Variants in ZNF385D observed in about 807,000 individuals in gnomAD.
The protein encoded by ZNF385D is zinc finger protein 659.
A neutral mutation model predicts 35.8 loss-of-function variants in ZNF385D; 15 were observed. The ratio of observed to expected loss-of-function variants is 0.42; its 90% CI spans 0.28 to 0.64. The LOEUF (loss-of-function observed/expected upper bound fraction) is 0.64. ZNF385D is among the 30% of genes least tolerant of loss of function. The pLI is 0.23. For missense variants in ZNF385D, 474 were observed against 494.6 expected (o/e 0.96, Z 0.39); for synonymous variants, 212 against 186.8 (o/e 1.13, Z -1.10).
chr3:21,845,586 A>G (rs1318207352), intron 3 of ZNF385D, among the ~76,000 whole-genome samples: 1 of 151,986 alleles, frequency 6.6e-6, no homozygotes, highest in East Asian at 1.9e-4. Flanking sequence ...ACCTCTCAAC[A>G]TTGCAATCCC....
rs576506837 is a variant in ZNF385D, at chr3:22,312,891, C to T, written c.106+59559G>A. Among the ~76,000 whole-genome samples, 32 of 129,398 alleles carry T rather than the reference C, an allele frequency of 2.5e-4. 2 individuals are homozygous for T. In the South Asian group the frequency reaches 9.0e-3, roughly 36 times the overall value. 84.9% of individuals were successfully genotyped at this position (129,398 alleles called of 152,430 possible). A position where few individuals can be genotyped will look rare whatever the true frequency, so the allele number is the denominator to read the frequency against. The stretch of plus-strand genomic sequence containing the variant: ...TAGAAATACCATTTGACCCAGCCAT[C>T]CCATTACTGGGTATATACCCAAAGG... On this transcript the variant is annotated intron_variant, in intron 2 of 5. Transcript: ENST00000494108.
chr3:22,089,183 ACTGT>A (rs978855167), intron 3 of ZNF385D, among the ~76,000 whole-genome samples: 39 of 152,294 alleles, frequency 2.6e-4, no homozygotes, highest in African/African-American at 8.2e-4. Flanking sequence ...CTTTTAAAAA[ACTGT>A]CTGTAAACTG....
chr3:22,145,398 C>T (rs1704787365), intron 3 of ZNF385D, among the ~76,000 whole-genome samples: 1 of 152,212 alleles, frequency 6.6e-6, no homozygotes, highest in Non-Finnish European at 1.5e-5. Context: ...ATGCAAGTTT[C>T]TTCTCTTTGA....
intron 3 of ZNF385D, among the ~76,000 whole-genome samples, chr3:22,167,549 G>T (rs1453322175): frequency 6.6e-6 from 1 of 152,172 alleles, no homozygotes; most frequent in Non-Finnish European, 1.5e-5. Flanking sequence ...CCAATCATGG[G>T]TACAGAGAAG....
intron 3 of ZNF385D, among the ~76,000 whole-genome samples, chr3:22,123,242 G>A (rs1339744894): frequency 1.3e-5 from 2 of 152,094 alleles, no homozygotes; most frequent in African/African-American, 4.8e-5. Flanking sequence ...TACCAAGAAG[G>A]TAGGAGGAGT....
intron 3 of ZNF385D, among the ~76,000 whole-genome samples, chr3:21,973,975 T>A (rs180912314): frequency 1.6e-4 from 24 of 152,168 alleles, no homozygotes; most frequent in Admixed American, 1.4e-3. Context: ...GAATATATAT[T>A]TTTAAAAATG....
intron 3 of ZNF385D, among the ~76,000 whole-genome samples, chr3:21,559,304 G>A (rs983610188): frequency 7.9e-5 from 12 of 152,226 alleles, no homozygotes; most frequent in South Asian, 4.2e-4. Flanking sequence ...GGCTGGTACC[G>A]GTTTTACCTT....
chr3:21,549,369 C>T, intron 3 of ZNF385D, among the ~76,000 whole-genome samples: 1 of 152,148 alleles, frequency 6.6e-6, no homozygotes, highest in East Asian at 1.9e-4. Flanking sequence ...CTCTTGAAAT[C>T]CCTAGCAGCT....
intron 3 of ZNF385D, among the ~76,000 whole-genome samples, chr3:21,797,591 C>T (rs1024343683): frequency 2.0e-5 from 3 of 152,152 alleles, no homozygotes; most frequent in African/African-American, 7.2e-5. Flanking sequence ...TTTGAAGCAA[C>T]CAAGCTGTTT....
chr3:22,282,229 A>G (rs1701785833), intron 2 of ZNF385D, among the ~76,000 whole-genome samples: 1 of 151,540 alleles, frequency 6.6e-6, no homozygotes, highest in Non-Finnish European at 1.5e-5. Flanking sequence ...TACTGTTTTA[A>G]TTTCATTTAG....
chr3:22,014,608 A>G (rs1696771469), intron 3 of ZNF385D, among the ~76,000 whole-genome samples: 1 of 152,040 alleles, frequency 6.6e-6, no homozygotes. Context: ...TCAGAAATAT[A>G]TACTCAGAAA....
intron 3 of ZNF385D, among the ~76,000 whole-genome samples, chr3:22,075,979 G>C (rs1227622981): frequency 6.6e-6 from 1 of 151,852 alleles, no homozygotes; most frequent in African/African-American, 2.4e-5. Flanking sequence ...ATGCCCAAAA[G>C]ACAGCAAGTC....
At chr3:22,186,623 G>T (rs551347343) in intron 2 of ZNF385D, among the ~76,000 whole-genome samples, 1 of 149,166 alleles carries the variant, frequency 6.7e-6, no homozygotes, top group African/African-American at 2.4e-5. Flanking sequence ...GTATACAAGG[G>T]GCAAATGAGC....
At chr3:22,040,160 A>G (rs929878754) in intron 3 of ZNF385D, among the ~76,000 whole-genome samples, 5 of 152,030 alleles carry the variant, frequency 3.3e-5, no homozygotes, top group African/African-American at 1.2e-4. Context: ...CAACTTCACC[A>G]TTACCCTCAT....
intron 3 of ZNF385D, among the ~76,000 whole-genome samples, chr3:21,832,199 TCTTCA>T (rs556158985): frequency 2.6e-4 from 39 of 152,298 alleles, no homozygotes; most frequent in Non-Finnish European, 4.9e-4. Flanking sequence ...TATTTGTTTT[TCTTCA>T]CATCTACTTT....
chr3:22,050,265 G>A (rs1176653040), intron 3 of ZNF385D, among the ~76,000 whole-genome samples: 1 of 152,022 alleles, frequency 6.6e-6, no homozygotes, highest in South Asian at 2.1e-4. Context: ...AGGAGGCTGG[G>A]GTGGGAAGAC....
chr3:22,025,674 G>A (rs897899599), intron 3 of ZNF385D, among the ~76,000 whole-genome samples: 1 of 152,132 alleles, frequency 6.6e-6, no homozygotes, highest in Non-Finnish European at 1.5e-5. Flanking sequence ...GAGCGAGCTG[G>A]AAATGCCTGA....
At chr3:21,550,101 T>TGCA (rs2062515172) in intron 3 of ZNF385D, among the ~76,000 whole-genome samples, 2 of 152,234 alleles carry the variant, frequency 1.3e-5, no homozygotes, top group South Asian at 4.1e-4. Flanking sequence ...ACGTAATAGA[T>TGCA]GCAGTAATTC....
At chr3:21,421,543 A>G (rs896471756) in intron 7 of ZNF385D, 96 bp from the exon 8 acceptor site, 1 of 752,446 alleles carries the variant, frequency 1.3e-6, no homozygotes, top group Non-Finnish European at 2.1e-6. Context: ...ATAGCAGTAA[A>G]CAACTATAAA....
Sources: allele counts gnomAD v4.1 joint callset (sites outside exome capture counted in the v4.1 genomes callset), GRCh38; gene constraint gnomAD v4.1.1; transcripts MANE v1.5; gene names NCBI Gene and HGNC (gene_info 2026-07-23, HGNC 2026-07-21).